GABRG3: variants seen among roughly 807,000 people sequenced by gnomAD.
The protein encoded by GABRG3 is gamma-aminobutyric acid type A receptor subunit gamma3, also known as gamma-aminobutyric acid receptor subunit gamma-3.
Under a neutral mutation model 48.8 loss-of-function variants are expected in GABRG3, and 25 were observed. The observed-to-expected ratio is 0.51, with a 90% CI of 0.37 to 0.72. The LOEUF is 0.72. Ranked by LOEUF, GABRG3 falls within the 30% of genes least tolerant of loss-of-function variation. GABRG3 has a pLI of 0.00. For synonymous variants in GABRG3, 227 were observed against 217.6 expected (o/e 1.04, Z -0.38); for missense variants, 394 against 577.9 (o/e 0.68, Z 3.26).
intron 5 of GABRG3, among the ~76,000 whole-genome samples, chr15:27,332,661 T>G (rs1313571649): frequency 2.0e-5 from 3 of 152,196 alleles, no homozygotes; most frequent in Non-Finnish European, 2.9e-5. Context: ...ACTTAAAAAT[T>G]TTATAGTAAC....
At chr15:27,372,344 C>T (rs1895441010) in intron 5 of GABRG3, among the ~76,000 whole-genome samples, 1 of 152,138 alleles carries the variant, frequency 6.6e-6, no homozygotes, top group Non-Finnish European at 1.5e-5. Flanking sequence ...GAGCTGCTTA[C>T]AGCCATAGAA....
intron 2 of GABRG3, among the ~76,000 whole-genome samples, chr15:27,018,048 G>A (rs1895811531): frequency 1.3e-5 from 2 of 152,218 alleles, no homozygotes; most frequent in Non-Finnish European, 2.9e-5. Context: ...GAAGGGAGAA[G>A]CTGCTATTAT....
chr15:27,221,874 T>G (rs1466175827), intron 3 of GABRG3, among the ~76,000 whole-genome samples: 3 of 152,190 alleles, frequency 2.0e-5, no homozygotes, highest in Admixed American at 2.0e-4. Flanking sequence ...CTATCTATAT[T>G]TTTTTGGTAA....
chr15:27,131,342 GA>G (rs933708709), intron 3 of GABRG3, among the ~76,000 whole-genome samples: 4 of 151,916 alleles, frequency 2.6e-5, no homozygotes, highest in African/African-American at 9.7e-5. Context: ...TGCACTGATT[GA>G]TTTTTTTATG....
chr15:26,990,803 ATTT>A (rs36038223), intron 2 of GABRG3, among the ~76,000 whole-genome samples: 12 of 129,416 alleles, frequency 9.3e-5, no homozygotes, highest in African/African-American at 1.7e-4. Flanking sequence ...ATCCATTTTG[ATTT>A]TTTTTTTTTT....
Position 27,335,669 on chromosome 15 carries a change from G to A in GABRG3, c.574+6781G>A, listed in dbSNP as rs1893939644. ...AAAGCAGAGTGGAGGGGACCAGGGAGTGGGGGGAGGAGAGAACGAGGGGAG... is the reference window on the plus strand; with the variant it reads ...AAAGCAGAGTGGAGGGGACCAGGGAATGGGGGGAGGAGAGAACGAGGGGAG... On this transcript the variant is annotated intron_variant, in intron 5 of 9. Transcript: ENST00000615808. Among the ~76,000 whole-genome samples, 3 of 152,120 alleles carry A rather than the reference G, an allele frequency of 2.0e-5. No homozygotes were observed. In the South Asian group the frequency reaches 6.2e-4, roughly 32 times the overall value.
At chr15:26,971,736 C>A in intron 1 of GABRG3, 148 bp downstream of exon 1, 1 of 813,572 alleles carries the variant, frequency 1.2e-6, no homozygotes, top group East Asian at 3.4e-5. Flanking sequence ...TCGGTCTGCA[C>A]CTCACCTGTC....
rs1010763678 is a variant in GABRG3, at chr15:27,019,049, T to G, written c.203-7705T>G. On this transcript the variant is annotated intron_variant, in intron 2 of 9. Transcript: ENST00000615808. ...TAATCCCATTGAAGTATTTGTTCCC[T>G]AGAGTCTTTTTTTTTTTTTTTTTTT... Among the ~76,000 whole-genome samples, 65 of 136,298 alleles carry G rather than the reference T, an allele frequency of 4.8e-4. 1 individual carries two copies. Among genetic ancestry groups the G allele is most frequent in the Admixed American group, 7.6e-4 (10 of 13,188 alleles). 89.4% of individuals were successfully genotyped at this position (136,298 alleles called of 152,430 possible). A position where few individuals can be genotyped will look rare whatever the true frequency, so the allele number is the denominator to read the frequency against.
At chr15:27,454,987 G>A (rs1040037116) in intron 5 of GABRG3, among the ~76,000 whole-genome samples, 6 of 152,254 alleles carry the variant, frequency 3.9e-5, no homozygotes, top group Admixed American at 6.5e-5. Flanking sequence ...ACGTGCATTC[G>A]TTTGACTTCA....
Position 27,150,599 on chromosome 15 carries a change from C to A in GABRG3, c.270+123778C>A, listed in dbSNP as rs539851000. 1.2e-4 allele frequency among the ~76,000 whole-genome samples: 18 copies of A among 152,328 alleles called. No individual in the cohort carries two copies. The South Asian group carries it at 2.7e-3, about 23-fold the overall frequency. On this transcript the variant is annotated intron_variant, in intron 3 of 9. Coordinates refer to ENST00000615808, the MANE Select transcript of GABRG3 (RefSeq NM_033223.5). ...AACAACTTCTATCAACTACGTTGAT[C>A]CCAATGAAAATACAAAATGATTTCA...
chr15:27,184,412 C>T (rs1254512257), intron 3 of GABRG3, among the ~76,000 whole-genome samples: 1 of 152,124 alleles, frequency 6.6e-6, no homozygotes, highest in Non-Finnish European at 1.5e-5. Flanking sequence ...GGATTCTTCT[C>T]GATTGCCTTC....
intron 3 of GABRG3, among the ~76,000 whole-genome samples, chr15:27,120,788 C>T (rs8041544): frequency 0.3 from 44,882 of 151,742 alleles, 7,488 homozygotes; most frequent in Middle Eastern, 0.38. Context: ...GTTTTTTGAC[C>T]GTGTCTCACA....
Position 27,040,070 on chromosome 15 carries a change from C to G in GABRG3, c.270+13249C>G, listed in dbSNP as rs540973442. Among the ~76,000 whole-genome samples the G allele has an allele frequency of 7.2e-5, 11 of 152,382 alleles. No individual in the cohort carries two copies. In the South Asian group the frequency reaches 2.3e-3, roughly 32 times the overall value. ...CTGGGCCGCTGCCCTTCAGCCCACACCTTGGCAGTTGGTGGTGCCTCGCAG... is the reference window on the plus strand; with the variant it reads ...CTGGGCCGCTGCCCTTCAGCCCACAGCTTGGCAGTTGGTGGTGCCTCGCAG... On this transcript the variant is annotated intron_variant, in intron 3 of 9. Coordinates refer to ENST00000615808, the MANE Select transcript of GABRG3 (RefSeq NM_033223.5).
At chr15:27,091,252 T>G (rs762056791) in intron 3 of GABRG3, among the ~76,000 whole-genome samples, 1 of 152,224 alleles carries the variant, frequency 6.6e-6, no homozygotes, top group Non-Finnish European at 1.5e-5. Flanking sequence ...TTTGTTTTTC[T>G]CTTCATTCTG....
intron 3 of GABRG3, among the ~76,000 whole-genome samples, chr15:27,232,644 A>G (rs1300706126): frequency 6.6e-6 from 1 of 152,194 alleles, no homozygotes; most frequent in Non-Finnish European, 1.5e-5. Context: ...GCTTTTAATC[A>G]TTCAGTCTTG....
At chr15:27,079,702 A>T (rs1215602901) in intron 3 of GABRG3, among the ~76,000 whole-genome samples, 1 of 152,176 alleles carries the variant, frequency 6.6e-6, no homozygotes, top group Non-Finnish European at 1.5e-5. Context: ...TTAAAAAAAT[A>T]ATAACATTGC....
At chr15:27,318,127 C>T (rs563455909) in intron 3 of GABRG3, among the ~76,000 whole-genome samples, 52 of 152,222 alleles carry the variant, frequency 3.4e-4, no homozygotes, top group South Asian at 3.1e-3. Context: ...CTCATGATTC[C>T]GTTTTGGGTG....
intron 3 of GABRG3, among the ~76,000 whole-genome samples, chr15:27,048,427 C>T (rs1896401415): frequency 6.6e-6 from 1 of 152,152 alleles, no homozygotes; most frequent in African/African-American, 2.4e-5. Context: ...GCCCCGGCAG[C>T]AGGAGCCAGC....
At chr15:27,168,989 G>T (rs1887474719) in intron 3 of GABRG3, among the ~76,000 whole-genome samples, 1 of 152,172 alleles carries the variant, frequency 6.6e-6, no homozygotes, top group Non-Finnish European at 1.5e-5. Flanking sequence ...CTTGCTCTTT[G>T]TTAATGAGTC....
Sources: gnomAD v4.1 joint callset for allele counts (sites outside exome capture counted in the v4.1 genomes callset) on GRCh38, gnomAD v4.1.1 for gene constraint, MANE v1.5 for transcripts, NCBI Gene and HGNC (gene_info 2026-07-23, HGNC 2026-07-21) for gene names.